Variants in MAGI2 observed in about 807,000 individuals in gnomAD.
MAGI2 encodes membrane-associated guanylate kinase, WW and PDZ domain-containing protein 2.
In MAGI2, 35 loss-of-function variants were observed where a neutral mutation model predicts 133.3. The observed-to-expected ratio is 0.26, with a 90% CI of 0.20 to 0.35. MAGI2 has a LOEUF of 0.35. Ranked by LOEUF, MAGI2 falls within the 10% of genes least tolerant of loss-of-function variation. The pLI is 1.00. For missense variants in MAGI2, 1,636 were observed against 1,863.4 expected (o/e 0.88, Z 2.25); for synonymous variants, 729 against 710.6 (o/e 1.03, Z -0.41).
rs552998086 is a variant in MAGI2, at chr7:79,057,974, T to C, written c.302-50768A>G. On this transcript the variant is annotated intron_variant, in intron 1 of 21. Coordinates refer to ENST00000354212, the MANE Select transcript of MAGI2 (RefSeq NM_012301.4). ...GGGCTCTATTAGTTTTTTTTTTTTTTAGTCACATAGACTTCATCAAATATA... is the reference window on the plus strand; with the variant it reads ...GGGCTCTATTAGTTTTTTTTTTTTTCAGTCACATAGACTTCATCAAATATA... Among the ~76,000 whole-genome samples, 323 of 151,712 alleles carry C rather than the reference T, an allele frequency of 2.1e-3. 1 individual carries two copies. Among genetic ancestry groups the C allele is most frequent in the African/African-American group, 7.4e-3 (305 of 41,396 alleles).
chr7:78,361,819 T>G (rs955769059), intron 7 of MAGI2, among the ~76,000 whole-genome samples: 1 of 152,008 alleles, frequency 6.6e-6, no homozygotes, highest in African/African-American at 2.4e-5. Flanking sequence ...GGAGTATGAG[T>G]AGGATAGAGA....
chr7:79,393,962 G>A (rs1030735892), intron 1 of MAGI2, among the ~76,000 whole-genome samples: 1 of 152,074 alleles, frequency 6.6e-6, no homozygotes, highest in Admixed American at 6.6e-5. Context: ...CCTTAAGATG[G>A]AATTGTTTGT....
chr7:78,475,296 C>T (rs898174056), intron 6 of MAGI2, among the ~76,000 whole-genome samples: 4 of 151,830 alleles, frequency 2.6e-5, no homozygotes, highest in African/African-American at 9.7e-5. Context: ...TGAATGCAAA[C>T]ACATACACCA....
At chr7:79,284,035 C>T (rs1170743698) in intron 1 of MAGI2, among the ~76,000 whole-genome samples, 1 of 152,018 alleles carries the variant, frequency 6.6e-6, no homozygotes, top group Non-Finnish European at 1.5e-5. Flanking sequence ...TAGGTTATAT[C>T]ACATAGCCTA....
At chr7:78,420,757 TG>T (rs1262554238) in intron 6 of MAGI2, among the ~76,000 whole-genome samples, 1 of 152,194 alleles carries the variant, frequency 6.6e-6, no homozygotes, top group Non-Finnish European at 1.5e-5. Context: ...GCCCATATCC[TG>T]GCCATATCAT....
At chr7:78,437,482 G>T (rs1189548525) in intron 6 of MAGI2, among the ~76,000 whole-genome samples, 1 of 152,138 alleles carries the variant, frequency 6.6e-6, no homozygotes, top group African/African-American at 2.4e-5. Context: ...GACTCAGTTT[G>T]AAAATAAAAT....
chr7:78,728,616 A>G (rs1479970512), intron 2 of MAGI2, among the ~76,000 whole-genome samples: 1 of 74,678 alleles, frequency 1.3e-5, no homozygotes, highest in Non-Finnish European at 2.2e-5. Flanking sequence ...CCCAGGCTGG[A>G]GTGCAGTGGC....
At chr7:79,136,080 A>AGAAAGAAAGAAAGAAAGAAAGAAG (rs1562929266) in intron 1 of MAGI2, among the ~76,000 whole-genome samples, 59 of 128,216 alleles carry the variant, frequency 4.6e-4, no homozygotes, top group African/African-American at 1.8e-3. Flanking sequence ...AAAGAAAGAA[A>AGAAAGAAAGAAAGAAAGAAAGAAG]GAAAGAAAGA....
At chr7:79,001,024 C>A (rs1195639341) in intron 2 of MAGI2, among the ~76,000 whole-genome samples, 1 of 152,178 alleles carries the variant, frequency 6.6e-6, no homozygotes, top group Non-Finnish European at 1.5e-5. Context: ...TCAAGCAATT[C>A]TCCTGCCTCA....
intron 1 of MAGI2, among the ~76,000 whole-genome samples, chr7:79,123,654 G>A (rs550126110): frequency 2.8e-4 from 42 of 151,574 alleles, no homozygotes; most frequent in African/African-American, 9.9e-4. Flanking sequence ...GGCGTGGTGG[G>A]GTGTGCCTGT....
intron 2 of MAGI2, among the ~76,000 whole-genome samples, chr7:79,005,546 T>G (rs1005205311): frequency 5.3e-5 from 8 of 152,216 alleles, no homozygotes; most frequent in African/African-American, 9.7e-5. Context: ...AATTAAGACT[T>G]TCTTATTTAT....
chr7:79,177,357 A>C (rs574307887), intron 1 of MAGI2: 2 of 152,170 alleles, frequency 1.3e-5, no homozygotes, highest in East Asian at 3.9e-4. Context: ...GTAATTTTTC[A>C]ACTTTCTTTT....
chr7:78,830,430 CT>C (rs1377196610), intron 2 of MAGI2, among the ~76,000 whole-genome samples: 1 of 152,072 alleles, frequency 6.6e-6, no homozygotes, highest in African/African-American at 2.4e-5. Flanking sequence ...TATCCAATCT[CT>C]TTTTTTCTTT....
rs546724950 is a variant in MAGI2, at chr7:78,330,388, C to T, written c.1408+13390G>A. 1.9e-5 allele frequency among the ~76,000 whole-genome samples: 2 copies of T among 105,052 alleles called. 1 individual carries two copies. Among genetic ancestry groups the T allele is most frequent in the South Asian group, 5.0e-4 (2 of 4,040 alleles). 68.9% of individuals were successfully genotyped at this position (105,052 alleles called of 152,430 possible). On this transcript the variant is annotated intron_variant, in intron 9 of 21. Transcript: ENST00000354212. ...ATCCCAGCACTTTGGGAGGCCGAGGCGGGCGGATCACGAGGTCAGGAGATC... is the reference window on the plus strand; with the variant it reads ...ATCCCAGCACTTTGGGAGGCCGAGGTGGGCGGATCACGAGGTCAGGAGATC...
chr7:78,570,739 C>G (rs1434559332), intron 3 of MAGI2, among the ~76,000 whole-genome samples: 1 of 152,130 alleles, frequency 6.6e-6, no homozygotes, highest in African/African-American at 2.4e-5. Flanking sequence ...CCAACTGAAG[C>G]ATTAGCAGCA....
intron 1 of MAGI2, among the ~76,000 whole-genome samples, chr7:79,251,220 G>GA (rs1040996254): frequency 5.9e-5 from 9 of 151,832 alleles, no homozygotes; most frequent in Admixed American, 2.0e-4. Flanking sequence ...GACATCCAAA[G>GA]AAAAAATGGA....
intron 2 of MAGI2, among the ~76,000 whole-genome samples, chr7:78,808,304 T>G (rs1015899399): frequency 6.6e-6 from 1 of 152,182 alleles, no homozygotes; most frequent in Non-Finnish European, 1.5e-5. Context: ...TCACCCAGGC[T>G]GGAGTGCAGT....
intron 7 of MAGI2, 59 bp from the exon 8 acceptor site, chr7:78,346,102 A>G: frequency 2.5e-6 from 4 of 1,594,934 alleles, no homozygotes; most frequent in East Asian, 2.2e-5. Flanking sequence ...AAAAGACCAT[A>G]TGTATGGCTC....
Position 79,368,522 on chromosome 7 carries a change from A to C in MAGI2, c.301+84498T>G, listed in dbSNP as rs538861970. 9.2e-5 allele frequency among the ~76,000 whole-genome samples: 14 copies of C among 152,254 alleles called. No individual in the cohort carries two copies. The East Asian group carries it at 2.5e-3, about 27-fold the overall frequency. Reference sequence around the variant, plus strand: ...GGGAAAAAAATCATTTCCACTTATCACTGGATTTAAAGAGTACTACTTGAC... The same window carrying C: ...GGGAAAAAAATCATTTCCACTTATCCCTGGATTTAAAGAGTACTACTTGAC... On this transcript the variant is annotated intron_variant, in intron 1 of 21. Transcript: ENST00000354212.
Sources: allele counts gnomAD v4.1 joint callset (sites outside exome capture counted in the v4.1 genomes callset), GRCh38; gene constraint gnomAD v4.1.1; transcripts MANE v1.5; gene names NCBI Gene and HGNC (gene_info 2026-07-23, HGNC 2026-07-21).